Variants in PTER observed in about 807,000 individuals in gnomAD.
PTER encodes N-acetyltaurine hydrolase.
In PTER, 38 loss-of-function variants were observed where a neutral mutation model predicts 29.6. That is an observed-to-expected ratio of 1.28 (90% CI 0.99 to 1.68). The LOEUF is 1.68. PTER is among the 40% of genes most tolerant of loss of function. The pLI is 0.00. For missense variants in PTER, 482 were observed against 427.8 expected, an observed-to-expected ratio of 1.13 and a Z score of -1.12; for synonymous variants, 172 against 154.5, an observed-to-expected ratio of 1.11 and a Z score of -0.84.
At chr10:16,456,862 T>TTGGGGG (rs147690650) in intron 1 of PTER, among the ~76,000 whole-genome samples, 1 of 113,596 alleles carries the variant, frequency 8.8e-6, no homozygotes, top group Non-Finnish European at 1.9e-5. Context: ...ATGGGGAAGG[T>TTGGGGG]GGGGGGGGGT....
rs776210838 is a variant in PTER at position 16,484,777 on chromosome 10, A to G, written c.393A>G (p.Ala131=). The G allele has an allele frequency of 6.2e-7, 1 of 1,613,024 alleles. No homozygotes were observed. Among genetic ancestry groups the G allele is most frequent in the Admixed American group, 1.7e-5 (1 of 59,812 alleles). Residue 131 remains alanine, a synonymous_variant, in exon 2 of 5, where the codon GCA becomes GCG. Transcript: ENST00000535784. ...IISGAGFYVD[A]THSSETRAMS... ...CTGGAGCCGGGTTTTATGTGGATGCAACTCACTCCTCAGAGACCAGGGCCA... is the reference window on the plus strand; with the variant it reads ...CTGGAGCCGGGTTTTATGTGGATGCGACTCACTCCTCAGAGACCAGGGCCA...
At chr10:16,458,801 C>G (rs925175713) in intron 1 of PTER, among the ~76,000 whole-genome samples, 1 of 152,100 alleles carries the variant, frequency 6.6e-6, no homozygotes, top group African/African-American at 2.4e-5. Context: ...AAAACAGTAC[C>G]AAGACACAAG....
chr10:16,443,750 G>A (rs572096681), intron 1 of PTER, among the ~76,000 whole-genome samples: 10 of 152,204 alleles, frequency 6.6e-5, no homozygotes, highest in East Asian at 1.9e-4. Flanking sequence ...GTAACAACTC[G>A]CACATATTTT....
At chr10:16,461,530 A>G (rs1452085142) in intron 1 of PTER, among the ~76,000 whole-genome samples, 2 of 152,174 alleles carry the variant, frequency 1.3e-5, no homozygotes. Context: ...ACCCCATTGT[A>G]GTAAATCAGC....
chr10:16,456,861 G>GCC (rs1564388335), intron 1 of PTER, among the ~76,000 whole-genome samples: 15 of 116,034 alleles, frequency 1.3e-4, no homozygotes, highest in African/African-American at 5.9e-4. Context: ...CATGGGGAAG[G>GCC]TGGGGGGGGG....
intron 1 of PTER, among the ~76,000 whole-genome samples, chr10:16,472,891 T>G (rs1406353412): frequency 6.6e-6 from 1 of 152,126 alleles, no homozygotes; most frequent in African/African-American, 2.4e-5. Context: ...TTCTAAGAAG[T>G]CAACATTTAA....
At chr10:16,483,660 C>A (rs924542857) in intron 1 of PTER, among the ~76,000 whole-genome samples, 6 of 152,030 alleles carry the variant, frequency 3.9e-5, no homozygotes, top group African/African-American at 7.2e-5. Flanking sequence ...CCAGCCTGGC[C>A]AACATAGGGA....
intron 1 of PTER, among the ~76,000 whole-genome samples, chr10:16,440,028 T>A (rs1833790177): frequency 6.6e-6 from 1 of 152,110 alleles, no homozygotes. Flanking sequence ...TAGCTGTTGT[T>A]TCTAGTGTAT....
chr10:16,497,920 C>T (rs1016538679), intron 3 of PTER, among the ~76,000 whole-genome samples: 5 of 150,396 alleles, frequency 3.3e-5, no homozygotes, highest in South Asian at 2.1e-4. Flanking sequence ...CTTTGGACAC[C>T]ATTTTTTTTT....
At chr10:16,514,023 C>A, downstream of PTER, 1 of 303,046 alleles carries the variant, frequency 3.3e-6, no homozygotes. Context: ...AACAAGAGTA[C>A]AAGGCAAACA....
Position 16,505,135 on chromosome 10 carries a change from C to A in PTER, c.814C>A (p.Pro272Thr). The change falls in exon 4 of 5, where the codon CCT (proline) becomes ACT (threonine). Residue 272 changes from proline to threonine, a missense_variant. Physicochemically the swap from Pro to Thr is conservative, Grantham distance 38. Coordinates refer to ENST00000535784, the MANE Select transcript of PTER (RefSeq NM_001261836.2). ...HYQLGPDIDM[P>T]DDNKRIRRVR... ...CCAACTCGGCCCAGATATTGACATG[C>A]CTGATGATAACAAAAGAATTAGAAG... The A allele has an allele frequency of 1.2e-6, 2 of 1,613,870 alleles. No homozygotes were observed. The highest frequency in any genetic ancestry group is 4.5e-5 in the East Asian group (2 of 44,862).
chr10:16,455,130 G>A (rs924634123), intron 1 of PTER, among the ~76,000 whole-genome samples: 1 of 152,116 alleles, frequency 6.6e-6, no homozygotes, highest in African/African-American at 2.4e-5. Context: ...TAGGGAGGCT[G>A]CAGTGGGAGG....
chr10:16,480,569 C>T (rs2000200), intron 1 of PTER, among the ~76,000 whole-genome samples: 2 of 151,712 alleles, frequency 1.3e-5, no homozygotes, highest in Non-Finnish European at 2.9e-5. Context: ...TAACAGAGTC[C>T]GGGGTGGGAG....
intron 1 of PTER, among the ~76,000 whole-genome samples, chr10:16,465,694 G>A (rs1480418190): frequency 2.6e-5 from 4 of 152,164 alleles, no homozygotes; most frequent in Non-Finnish European, 5.9e-5. Context: ...TGCAATTGCT[G>A]TTTGTATTAG....
At chr10:16,438,006 G>C (rs994940684) in intron 1 of PTER, among the ~76,000 whole-genome samples, 1 of 152,026 alleles carries the variant, frequency 6.6e-6, no homozygotes, top group Non-Finnish European at 1.5e-5. Context: ...CTACAAGTTG[G>C]TTTTCTTTTG....
intron 1 of PTER, among the ~76,000 whole-genome samples, chr10:16,438,001 A>C (rs1833711410): frequency 6.6e-6 from 1 of 151,978 alleles, no homozygotes; most frequent in South Asian, 2.1e-4. Flanking sequence ...ACTTTCTACA[A>C]GTTGGTTTTC....
intron 1 of PTER, among the ~76,000 whole-genome samples, chr10:16,477,256 T>TTCGA (rs1554789908): frequency 2.9e-5 from 2 of 69,486 alleles, no homozygotes; most frequent in Non-Finnish European, 5.4e-5. Flanking sequence ...CATTCTGTCT[T>TTCGA]TCGATAGATA....
At chr10:16,473,632 C>G (rs1383051175) in intron 1 of PTER, among the ~76,000 whole-genome samples, 1 of 149,392 alleles carries the variant, frequency 6.7e-6, no homozygotes, top group Non-Finnish European at 1.5e-5. Context: ...TTCTTCGTCT[C>G]TGGCCGAATG....
chr10:16,514,591 T>C, downstream of PTER: 1 of 1,613,900 alleles, frequency 6.2e-7, no homozygotes, highest in Non-Finnish European at 8.5e-7. Context: ...CTCCATGGGC[T>C]TTCCCGCCAT....
Sources: allele counts gnomAD v4.1 joint callset (sites outside exome capture counted in the v4.1 genomes callset), GRCh38; gene constraint gnomAD v4.1.1; transcripts MANE v1.5; gene names NCBI Gene and HGNC (gene_info 2026-07-23, HGNC 2026-07-21).